The following ATP9B variants were observed in gnomAD, a reference collection of about 807,000 sequenced individuals.
The protein encoded by ATP9B is ATPase phospholipid transporting 9B.
ATP9B carries 110 observed loss-of-function variants against 146.1 expected under a neutral mutation model. The ratio of observed to expected loss-of-function variants is 0.75; its 90% confidence interval spans 0.65 to 0.88. The LOEUF is 0.88. ATP9B is among the 40% of genes least tolerant of loss of function. The pLI, the probability that ATP9B is intolerant of heterozygous loss-of-function variation, is 0.00. For missense variants in ATP9B, 1,499 were observed against 1,496.4 expected (o/e 1.00, Z -0.03); for synonymous variants, 604 against 569.7 (o/e 1.06, Z -0.86).
At chr18:79,200,762 C>CG (rs1568388886) in intron 9 of ATP9B, among the ~76,000 whole-genome samples, 40 of 26,792 alleles carry the variant, frequency 1.5e-3, no homozygotes, top group Non-Finnish European at 1.8e-3. Context: ...GAGGTGGGAA[C>CG]GTTGGGGTCA....
At chr18:79,140,363 CTCAT>C (rs1468965913) in intron 5 of ATP9B, among the ~76,000 whole-genome samples, 1 of 151,854 alleles carries the variant, frequency 6.6e-6, no homozygotes, top group African/African-American at 2.4e-5. Context: ...TTTTTTTCAA[CTCAT>C]TCATTTGGAA....
intron 25 of ATP9B, chr18:79,353,003 A>G (rs2096930605): frequency 6.6e-6 from 1 of 152,290 alleles, no homozygotes; most frequent in African/African-American, 2.4e-5. Context: ...AAAAGAAGAC[A>G]TAAGAATGGT....
chr18:79,231,977 T>A (rs1204720083), intron 11 of ATP9B, among the ~76,000 whole-genome samples: 4 of 151,948 alleles, frequency 2.6e-5, no homozygotes, highest in African/African-American at 9.7e-5. Flanking sequence ...TGCAAAGGCA[T>A]AAGAATAACA....
In ATP9B at chr18:79,375,421, T is replaced by C. The variant is rs1208256615; in HGVS notation, c.3302T>C (p.Phe1101Ser). 11 of 1,612,974 alleles carry C rather than the reference T, an allele frequency of 6.8e-6. No individual in the cohort carries two copies. Among genetic ancestry groups the C allele is most frequent in the Non-Finnish European group, 8.5e-6 (10 of 1,178,964 alleles). The change falls in exon 29 of 30, where the codon TTC becomes TCC. Residue 1101 changes from phenylalanine to serine, a missense_variant. Physicochemically the swap from Phe to Ser is radical, Grantham distance 155. Coordinates refer to ENST00000426216, the MANE Select transcript of ATP9B (RefSeq NM_198531.5). ...FGIGRVSFGA[F>S]LDVAFITTVT... is the part of the protein sequence containing the mutation. Reference sequence around the variant, plus strand: ...ATAGGCAGAGTGTCTTTTGGAGCTTTCTTAGGTAGGTAAAGTTATCATTTC... The same window carrying C: ...ATAGGCAGAGTGTCTTTTGGAGCTTCCTTAGGTAGGTAAAGTTATCATTTC...
intron 7 of ATP9B, among the ~76,000 whole-genome samples, chr18:79,165,354 G>T (rs1461662072): frequency 7.2e-5 from 11 of 152,126 alleles, no homozygotes; most frequent in Admixed American, 7.2e-4. Flanking sequence ...CTCTGCTGTG[G>T]TGGGCAGGTC....
intron 1 of ATP9B, among the ~76,000 whole-genome samples, chr18:79,078,976 G>T (rs751079560): frequency 6.6e-6 from 1 of 152,070 alleles, no homozygotes; most frequent in Non-Finnish European, 1.5e-5. Context: ...CCATGTCCAC[G>T]CAAAGGACAT....
chr18:79,359,825 G>A (rs1034263601), intron 26 of ATP9B: 13 of 250,658 alleles, frequency 5.2e-5, no homozygotes, highest in East Asian at 1.8e-4. Flanking sequence ...AGGCTCCCCC[G>A]GACAGCGTCA....
intron 12 of ATP9B, among the ~76,000 whole-genome samples, chr18:79,272,540 C>G (rs931081017): frequency 8.6e-5 from 13 of 150,948 alleles, no homozygotes; most frequent in African/African-American, 2.7e-4. Flanking sequence ...TCCCTGAGCT[C>G]TCTCCACTGA....
At chr18:79,334,814 C>G (rs1046727487) in intron 17 of ATP9B, among the ~76,000 whole-genome samples, 1 of 151,428 alleles carries the variant, frequency 6.6e-6, no homozygotes, top group African/African-American at 2.4e-5. Context: ...GGAGACCCAC[C>G]GGTGCCCTCC....
intron 6 of ATP9B, among the ~76,000 whole-genome samples, chr18:79,150,658 A>C (rs1274797116): frequency 6.6e-6 from 1 of 152,198 alleles, no homozygotes; most frequent in Non-Finnish European, 1.5e-5. Context: ...AATAAGACAG[A>C]ATAAGGACAT....
chr18:79,111,617 G>T (rs957191113), intron 3 of ATP9B, among the ~76,000 whole-genome samples: 1 of 152,170 alleles, frequency 6.6e-6, no homozygotes, highest in African/African-American at 2.4e-5. Flanking sequence ...ACAGATCTCA[G>T]AGATTGGCTA....
intron 13 of ATP9B, among the ~76,000 whole-genome samples, chr18:79,295,345 A>G (rs2096540356): frequency 6.6e-6 from 1 of 152,228 alleles, no homozygotes; most frequent in Non-Finnish European, 1.5e-5. Flanking sequence ...TTACTCATTG[A>G]TTTCCTCTAA....
chr18:79,225,040 A>G (rs1011403516), intron 11 of ATP9B, among the ~76,000 whole-genome samples: 1 of 152,160 alleles, frequency 6.6e-6, no homozygotes, highest in African/African-American at 2.4e-5. Flanking sequence ...TCTACATTGT[A>G]TCTTAAGCCT....
chr18:79,141,841 T>G lies in ATP9B; in HGVS notation c.668-1961T>G, dbSNP rs138174387. Among the ~76,000 whole-genome samples the G allele has an allele frequency of 5.0e-3, 764 of 152,310 alleles. 8 individuals carry two copies. The highest frequency in any genetic ancestry group is 0.016 in the Admixed American group (243 of 15,294). On this transcript the variant is annotated intron_variant, in intron 5 of 29. Transcript: ENST00000426216. ...AAATATTTAATGTAAGTGTAGGCTG[T>G]TAGAATGTGGCAGAAAAAGTAATTC... is the stretch of plus-strand genomic sequence containing the variant.
chr18:79,343,478 C>T (rs564554353), intron 20 of ATP9B, among the ~76,000 whole-genome samples: 2 of 152,234 alleles, frequency 1.3e-5, no homozygotes, highest in African/African-American at 4.8e-5. Flanking sequence ...AATGATATTT[C>T]AAGATTATGA....
chr18:79,109,625 G>A (rs1268367454), intron 2 of ATP9B, among the ~76,000 whole-genome samples: 1 of 150,702 alleles, frequency 6.6e-6, no homozygotes, highest in African/African-American at 2.5e-5. Context: ...AAGTGCAGTG[G>A]CATTGTCTTG....
At chr18:79,115,272 G>T (rs1273213201) in intron 4 of ATP9B, 1 of 128,248 alleles carries the variant, frequency 7.8e-6, no homozygotes, top group Non-Finnish European at 1.6e-5. Context: ...AATAAAAGAG[G>T]ACACAAACAA....
At chr18:79,356,358 CT>C (rs919042131) in intron 25 of ATP9B, among the ~76,000 whole-genome samples, 16 of 152,000 alleles carry the variant, frequency 1.1e-4, no homozygotes, top group Admixed American at 8.5e-4. Context: ...AGCACTCACG[CT>C]CCTGGGCGTT....
intron 7 of ATP9B, among the ~76,000 whole-genome samples, chr18:79,156,078 T>C (rs917780597): frequency 3.9e-5 from 6 of 152,212 alleles, no homozygotes; most frequent in African/African-American, 1.4e-4. Context: ...TTTCTCTTTC[T>C]ACCAGTTGTA....
Sources: allele counts gnomAD v4.1 joint callset (sites outside exome capture counted in the v4.1 genomes callset), GRCh38; gene constraint gnomAD v4.1.1; transcripts MANE v1.5; gene names NCBI Gene and HGNC (gene_info 2026-07-23, HGNC 2026-07-21).